ABL2: variants seen among roughly 807,000 people sequenced by gnomAD.
The protein encoded by ABL2 is ABL proto-oncogene 2, non-receptor tyrosine kinase.
A neutral mutation model predicts 107.7 loss-of-function variants in ABL2; 49 were observed. The ratio of observed to expected loss-of-function variants is 0.45; its 90% CI spans 0.36 to 0.58. ABL2 has a LOEUF of 0.58. ABL2 is among the 20% of genes least tolerant of loss of function. The pLI, the probability that ABL2 is intolerant of heterozygous loss-of-function variation, is 0.00. For synonymous variants in ABL2, 549 were observed against 548.6 expected (o/e 1.00, Z -0.01); for missense variants, 1,245 against 1,457.0 (o/e 0.85, Z 2.37).
chr1:179,228,660 A>G (rs1663366977), intron 1 of ABL2, among the ~76,000 whole-genome samples: 1 of 152,164 alleles, frequency 6.6e-6, no homozygotes, highest in East Asian at 1.9e-4. Context: ...GAAATACAAA[A>G]CAAAATAAAC....
chr1:179,172,782 C>CAA (rs1194813996), intron 1 of ABL2, among the ~76,000 whole-genome samples: 1 of 152,162 alleles, frequency 6.6e-6, no homozygotes, highest in African/African-American at 2.4e-5. Flanking sequence ...AGTGGCAAAT[C>CAA]TCTTAAGATA....
rs113219218 is a variant in ABL2, at chr1:179,127,988, T to C, written c.392-1316A>G. ...AGGCTGAGGTTGCAGTGAGCCGAGA[T>C]TGCACCACTGTACTCCAGCCTGGGA... On this transcript the variant is annotated intron_variant, in intron 3 of 11. Transcript: ENST00000502732. Among the ~76,000 whole-genome samples, 447 of 150,018 alleles carry C rather than the reference T, an allele frequency of 3.0e-3. 1 individual carries two copies. Among genetic ancestry groups the C allele is most frequent in the African/African-American group, 0.01 (426 of 40,648 alleles).
intron 1 of ABL2, among the ~76,000 whole-genome samples, chr1:179,156,875 C>G (rs995356702): frequency 7.0e-6 from 1 of 142,562 alleles, no homozygotes; most frequent in Non-Finnish European, 1.5e-5. Context: ...GAGTGAGAGT[C>G]TGTCTCAAAA....
intron 8 of ABL2, among the ~76,000 whole-genome samples, chr1:179,116,630 C>T (rs930784786): frequency 6.6e-6 from 1 of 151,452 alleles, no homozygotes; most frequent in Non-Finnish European, 1.5e-5. Flanking sequence ...CCTACCTCAG[C>T]CTCCCAAGTA....
chr1:179,219,194 T>C (rs78337795), intron 1 of ABL2, among the ~76,000 whole-genome samples: 3,116 of 152,236 alleles, frequency 0.02, 117 homozygotes, highest in African/African-American at 0.072. Context: ...ATGTGTGCAC[T>C]AGCACGCCTG....
chr1:179,154,147 A>G (rs1301925595), intron 1 of ABL2, among the ~76,000 whole-genome samples: 3 of 152,190 alleles, frequency 2.0e-5, no homozygotes, highest in African/African-American at 7.2e-5. Context: ...CTGAACTGCT[A>G]CAACATTCAT....
In ABL2 at chr1:179,108,755, CTGATTT is replaced by C. The variant is rs1234037934; in HGVS notation, c.2506_2511del (p.Lys836_Ser837del). On this transcript the variant is annotated inframe_deletion, in exon 12 of 12. Transcript: ENST00000502732. ...TCCCTGCTTGGAGCAGCACTTTCCT[CTGATTT>C]TTTTGGAAGCATGTCATTGGCCCTG... 1 of 1,614,214 alleles carries C rather than the reference CTGATTT, an allele frequency of 6.2e-7. No individual in the cohort carries two copies. The highest frequency in any genetic ancestry group is 1.7e-5 in the Admixed American group (1 of 60,030).
At chr1:179,112,612 A>G (rs1654198580) in intron 9 of ABL2, among the ~76,000 whole-genome samples, 1 of 152,172 alleles carries the variant, frequency 6.6e-6, no homozygotes, top group East Asian at 1.9e-4. Flanking sequence ...TCTTTGAGAC[A>G]GGGTCTTGCT....
intron 1 of ABL2, among the ~76,000 whole-genome samples, chr1:179,175,996 C>T (rs1660022128): frequency 6.6e-6 from 1 of 152,034 alleles, no homozygotes; most frequent in Non-Finnish European, 1.5e-5. Flanking sequence ...GCTGGGATTA[C>T]AGGTGTGTGC....
chr1:179,110,639 C>G (rs750810156), intron 10 of ABL2, 184 bp from the exon 11 acceptor site: 2 of 1,512,072 alleles, frequency 1.3e-6, no homozygotes, highest in African/African-American at 1.4e-5. Flanking sequence ...TGTGTAGATT[C>G]GTCCACGCTG....
intron 1 of ABL2, among the ~76,000 whole-genome samples, chr1:179,204,955 G>A (rs2102853912): frequency 1.3e-5 from 2 of 152,026 alleles, no homozygotes; most frequent in Middle Eastern, 6.9e-3. Context: ...AAGGGGCTCA[G>A]AGTGCTGCAT....
intron 1 of ABL2, among the ~76,000 whole-genome samples, chr1:179,228,322 GGGGACCAAAGCGAGACTCT>G (rs1663345009): frequency 6.6e-6 from 1 of 151,936 alleles, no homozygotes. Context: ...ACTCCATCAT[GGGGACCAAAGCGAGACTCT>G]GTCTCAAAAA....
At chr1:179,133,495 T>C in intron 1 of ABL2, 121 bp from the exon 2 acceptor site, 3 of 1,509,644 alleles carry the variant, frequency 2.0e-6, no homozygotes, top group South Asian at 2.4e-5. Flanking sequence ...TCTACCTACT[T>C]CTCCAGCTTC....
chr1:179,186,357 C>T (rs1660684526), intron 1 of ABL2, among the ~76,000 whole-genome samples: 1 of 151,996 alleles, frequency 6.6e-6, no homozygotes, highest in Admixed American at 6.6e-5. Flanking sequence ...TTGGGTTTAT[C>T]AGCCATTTCA....
chr1:179,110,980 CTTTTTTTTT>C, intron 10 of ABL2: 5 of 598,658 alleles, frequency 8.4e-6, no homozygotes, highest in Non-Finnish European at 1.3e-5. Flanking sequence ...TTATTTTTGG[CTTTTTTTTT>C]TTTTTTTTTT....
intron 1 of ABL2, among the ~76,000 whole-genome samples, chr1:179,166,776 C>CA (rs34173352): frequency 0.37 from 27,351 of 74,798 alleles, 3,975 homozygotes; most frequent in East Asian, 0.47. Context: ...GACTTCATCT[C>CA]AAAAAAAAAA....
chr1:179,138,105 C>T (rs568103290), intron 1 of ABL2, among the ~76,000 whole-genome samples: 2 of 152,332 alleles, frequency 1.3e-5, no homozygotes, highest in Admixed American at 6.5e-5. Flanking sequence ...GTTTTAAGCA[C>T]ACAGCATTAA....
chr1:179,205,746 C>G (rs577203251), intron 1 of ABL2, among the ~76,000 whole-genome samples: 1 of 152,114 alleles, frequency 6.6e-6, no homozygotes, highest in Non-Finnish European at 1.5e-5. Context: ...GTTGTGGATA[C>G]TAACTTATTA....
chr1:179,115,305 C>A (rs891773572), intron 8 of ABL2, among the ~76,000 whole-genome samples: 1 of 152,108 alleles, frequency 6.6e-6, no homozygotes, highest in African/African-American at 2.4e-5. Context: ...TAAACTATGA[C>A]CATTTAAGAA....
Sources: allele counts gnomAD v4.1 joint callset (sites outside exome capture counted in the v4.1 genomes callset), GRCh38; gene constraint gnomAD v4.1.1; transcripts MANE v1.5; gene names NCBI Gene and HGNC (gene_info 2026-07-23, HGNC 2026-07-21).